HSP90AA1: variants seen among roughly 807,000 people sequenced by gnomAD.
The protein encoded by HSP90AA1 is heat shock protein 90 alpha family class A member 1, also known as heat shock protein HSP 90-alpha.
A neutral mutation model predicts 73.3 loss-of-function variants in HSP90AA1; 18 were observed. The observed-to-expected ratio is 0.25, with a 90% CI of 0.17 to 0.36. The LOEUF is 0.36. Among genes scored for constraint, HSP90AA1 ranks in the 10% least tolerant of loss-of-function variants. The pLI is 1.00. For synonymous variants in HSP90AA1, 477 were observed against 296.9 expected (o/e 1.61, Z -6.24); for missense variants, 704 against 874.2 (o/e 0.81, Z 2.45).
intron 1 of HSP90AA1, among the ~76,000 whole-genome samples, chr14:102,136,375 T>C (rs1192744235): frequency 6.7e-6 from 1 of 150,080 alleles, no homozygotes; most frequent in Non-Finnish European, 1.5e-5. Context: ...GAGACCAGCC[T>C]GACCAACATG....
intron 1 of HSP90AA1, among the ~76,000 whole-genome samples, chr14:102,107,150 C>A (rs2049579343): frequency 1.3e-5 from 2 of 151,898 alleles, no homozygotes; most frequent in African/African-American, 4.8e-5. Flanking sequence ...AGCCTATGGC[C>A]AGTTCCTCCT....
chr14:102,086,393 C>A lies in HSP90AA1; in HGVS notation c.1-15G>T. 1 of 1,614,162 alleles carries A rather than the reference C, an allele frequency of 6.2e-7. No individual in the cohort carries two copies. Among genetic ancestry groups the A allele is most frequent in the Non-Finnish European group, 8.5e-7 (1 of 1,180,018 alleles). ...TCCTCAGGCATCTGGAACGACACCG[C>A]GCCGGTTTAAAACCTTGCAGGACGT... On this transcript the variant is annotated splice_polypyrimidine_tract_variant and intron_variant, in intron 1 of 10. Coordinates refer to ENST00000216281, the MANE Select transcript of HSP90AA1 (RefSeq NM_005348.4).
At chr14:102,097,986 T>TC (rs2049445913) in intron 2 of HSP90AA1, among the ~76,000 whole-genome samples, 3 of 152,094 alleles carry the variant, frequency 2.0e-5, no homozygotes, top group Admixed American at 2.0e-4. Context: ...GCTCTCATGC[T>TC]GTTCCTCTTC....
chr14:102,125,617 T>C (rs2049830505), intron 1 of HSP90AA1, among the ~76,000 whole-genome samples: 1 of 152,148 alleles, frequency 6.6e-6, no homozygotes, highest in African/African-American at 2.4e-5. Flanking sequence ...CAGAGCTTTC[T>C]GAAAGCATGA....
upstream of HSP90AA1, among the ~76,000 whole-genome samples, chr14:102,088,265 C>T (rs955602840): frequency 1.3e-5 from 2 of 152,308 alleles, no homozygotes; most frequent in African/African-American, 4.8e-5. Context: ...GTTCCTTCGA[C>T]CTGGCTTCCC....
At chr14:102,101,862 T>C (rs749065729) in intron 2 of HSP90AA1, 1 of 1,603,694 alleles carries the variant, frequency 6.2e-7, no homozygotes, top group East Asian at 2.2e-5. Flanking sequence ...ATTTTAAACC[T>C]TAGTCCACTT....
At chr14:102,086,508 G>T in intron 1 of HSP90AA1, 130 bp from the exon 2 acceptor site, 1 of 1,040,758 alleles carries the variant, frequency 9.6e-7, no homozygotes, top group Non-Finnish European at 1.5e-6. Context: ...ACCGAAAATA[G>T]AAGGGCGGCT....
chr14:102,085,682 C>T, intron 3 of HSP90AA1, 76 bp downstream of exon 3: 1 of 1,598,300 alleles, frequency 6.3e-7, no homozygotes, highest in South Asian at 1.1e-5. Context: ...AGCTTCACCG[C>T]ATCCCCAGGG....
intron 1 of HSP90AA1, among the ~76,000 whole-genome samples, chr14:102,124,145 T>C (rs2049812828): frequency 6.6e-6 from 1 of 152,058 alleles, no homozygotes; most frequent in Admixed American, 6.6e-5. Flanking sequence ...AATTAGTTAC[T>C]ATTTGACAGA....
exon 2 of HSP90AA1, chr14:102,102,016 G>A (rs769364822): frequency 5.0e-6 from 8 of 1,614,000 alleles, no homozygotes; most frequent in Non-Finnish European, 6.8e-6. Context: ...GTAGAGTGGT[G>A]GATCCAGACA....
chr14:102,080,947 T>C lies in HSP90AA1; in HGVS notation c.*765A>G, dbSNP rs2049084284. 1 of 228,008 alleles carries C rather than the reference T, an allele frequency of 4.4e-6. No individual in the cohort carries two copies. The highest frequency in any genetic ancestry group is 2.2e-5 in the African/African-American group (1 of 45,126). The allele number at this position is 228,008 out of a possible 1,614,324, so 14.1% of individuals were successfully genotyped here. On this transcript the variant is annotated 3_prime_UTR_variant, in exon 11 of 11. Transcript: ENST00000216281. Reference sequence around the variant, plus strand: ...CCATGTCAACCCTTGGAGCAGCTAGTGTTTAACCATCTCCTGCTAGCGCCT... The same window carrying C: ...CCATGTCAACCCTTGGAGCAGCTAGCGTTTAACCATCTCCTGCTAGCGCCT...
intron 1 of HSP90AA1, among the ~76,000 whole-genome samples, chr14:102,136,887 T>TAAA (rs982881540): frequency 7.9e-6 from 1 of 126,506 alleles, no homozygotes; most frequent in African/African-American, 3.0e-5. Context: ...AGACTTCTCT[T>TAAA]AAAAAAAAAA....
chr14:102,082,108 T>C lies in HSP90AA1; in HGVS notation c.2089+3A>G, dbSNP rs2049113834. The stretch of plus-strand genomic sequence containing the variant: ...TTTTAACATTACATAGTATAAGGCT[T>C]ACCCAGACCAAGTTTGATCATCCTG... On this transcript the variant is annotated splice_donor_region_variant and intron_variant, in intron 10 of 10. Transcript: ENST00000216281. 6.3e-7 allele frequency: 1 copy of C among 1,595,666 alleles called. No individual in the cohort carries two copies. Among genetic ancestry groups the C allele is most frequent in the African/African-American group, 1.3e-5 (1 of 74,492 alleles).
chr14:102,109,854 G>T (rs745920849), intron 1 of HSP90AA1, among the ~76,000 whole-genome samples: 1 of 152,186 alleles, frequency 6.6e-6, no homozygotes, highest in Non-Finnish European at 1.5e-5. Context: ...TGCCGATGAT[G>T]ATATGGACAA....
chr14:102,086,710 G>A (rs1207826595), intron 1 of HSP90AA1, among the ~76,000 whole-genome samples: 2 of 150,728 alleles, frequency 1.3e-5, no homozygotes, highest in Non-Finnish European at 3.0e-5. Flanking sequence ...CCGGGCGGGG[G>A]ACCCCCGCGG....
rs773108612 is a variant in HSP90AA1 at position 102,083,352 on chromosome 14, T to C, written c.1487-50A>G. 4 of 1,597,078 alleles carry C rather than the reference T, an allele frequency of 2.5e-6. No individual in the cohort carries two copies. The African/African-American group carries it at 4.0e-5, about 16-fold the overall frequency. ...AGACCTTTTAACAGTTAAGAATGGT[T>C]TCATCTAGCTCTGACTTTTCTTGCT... On this transcript the variant is annotated intron_variant, in intron 8 of 10. Transcript: ENST00000216281.
At chr14:102,085,130 T>C in intron 4 of HSP90AA1, 132 bp from the exon 5 acceptor site, 1 of 1,509,756 alleles carries the variant, frequency 6.6e-7, no homozygotes, top group Non-Finnish European at 9.2e-7. Flanking sequence ...TTCATCAATA[T>C]TTGATACATC....
At chr14:102,104,313 G>A (rs192618348) in intron 1 of HSP90AA1, among the ~76,000 whole-genome samples, 52 of 152,124 alleles carry the variant, frequency 3.4e-4, no homozygotes, top group Admixed American at 1.1e-3. Context: ...GGATGCAAGC[G>A]ATTCTCCTGC....
At position 102,138,022 on chromosome 14, in the gene HSP90AA1, A is replaced by C. The variant is rs547853242; in HGVS notation, c.155+1228T>G. 7.0e-3 allele frequency among the ~76,000 whole-genome samples: 1,058 copies of C among 152,140 alleles called. 5 individuals carry two copies. The highest frequency in any genetic ancestry group is 0.011 in the Non-Finnish European group (768 of 67,984). ...GCGAGACTCCATCTAAGAAAAAAAAAACAAAACTAAACCAAAGGCTATGCA... is the reference window on the plus strand; with the variant it reads ...GCGAGACTCCATCTAAGAAAAAAAACACAAAACTAAACCAAAGGCTATGCA... On this transcript the variant is annotated intron_variant, in intron 1 of 11. Coordinates refer to the HSP90AA1 transcript ENST00000334701.
Sources: allele counts gnomAD v4.1 joint callset (sites outside exome capture counted in the v4.1 genomes callset), GRCh38; gene constraint gnomAD v4.1.1; transcripts MANE v1.5; gene names NCBI Gene and HGNC (gene_info 2026-07-23, HGNC 2026-07-21).